The following FUT9 variants were observed in gnomAD, a reference collection of about 807,000 sequenced individuals.
FUT9 encodes the protein 4-galactosyl-N-acetylglucosaminide 3-alpha-L-fucosyltransferase 9.
In FUT9, 15 loss-of-function variants were observed where a neutral mutation model predicts 29.7. That is an observed-to-expected ratio of 0.51 (90% confidence interval 0.34 to 0.78). The LOEUF is 0.78. Ranked by LOEUF, FUT9 falls within the 30% of genes least tolerant of loss-of-function variation. The probability of loss-of-function intolerance (pLI) is 0.01; values close to 1 mark genes in which losing one functional copy is unlikely to be tolerated. For missense variants in FUT9, 319 were observed against 425.4 expected (o/e 0.75, Z 2.20); for synonymous variants, 169 against 153.7 (o/e 1.10, Z -0.74).
intron 1 of FUT9, among the ~76,000 whole-genome samples, chr6:96,026,442 G>A (rs186740676): frequency 8.6e-5 from 13 of 151,704 alleles, no homozygotes; most frequent in East Asian, 3.9e-4. Context: ...AGCATAGGGC[G>A]TGTTAAAGAA....
At chr6:96,123,985 T>C (rs1170782221) in intron 2 of FUT9, among the ~76,000 whole-genome samples, 1 of 151,790 alleles carries the variant, frequency 6.6e-6, no homozygotes, top group Non-Finnish European at 1.5e-5. Flanking sequence ...GGAGTAGAAC[T>C]AGGATGGAAA....
chr6:96,132,925 CATTT>C (rs34528263), intron 2 of FUT9, among the ~76,000 whole-genome samples: 8 of 150,354 alleles, frequency 5.3e-5, no homozygotes, highest in East Asian at 2.0e-4. Flanking sequence ...TATCTATAGC[CATTT>C]ATTTATTTAT....
At chr6:96,103,530 G>A (rs1167367301) in intron 1 of FUT9, among the ~76,000 whole-genome samples, 2 of 151,830 alleles carry the variant, frequency 1.3e-5, no homozygotes, top group Non-Finnish European at 1.5e-5. Flanking sequence ...TGAAGGTGTC[G>A]ATAGTGTCAG....
chr6:96,154,226 T>C (rs951410913), intron 2 of FUT9, among the ~76,000 whole-genome samples: 9 of 152,232 alleles, frequency 5.9e-5, no homozygotes, highest in African/African-American at 1.7e-4. Flanking sequence ...GCAAAAGTGA[T>C]AGAAATACAT....
At chr6:96,136,108 G>A (rs969282013) in intron 2 of FUT9, among the ~76,000 whole-genome samples, 2 of 151,580 alleles carry the variant, frequency 1.3e-5, no homozygotes, top group African/African-American at 4.8e-5. Flanking sequence ...CTTAATGATT[G>A]CCTTTATCTC....
intron 2 of FUT9, among the ~76,000 whole-genome samples, chr6:96,156,373 T>C (rs948990223): frequency 2.0e-5 from 3 of 152,166 alleles, no homozygotes; most frequent in African/African-American, 7.2e-5. Flanking sequence ...TCTTGTCTCA[T>C]GACCAGGAAA....
intron 1 of FUT9, among the ~76,000 whole-genome samples, chr6:96,095,529 G>A (rs1771481242): frequency 6.6e-6 from 1 of 152,160 alleles, no homozygotes; most frequent in Non-Finnish European, 1.5e-5. Context: ...ATTATCAGCA[G>A]CATTTGACAA....
At chr6:96,162,819 C>G (rs1329991271) in intron 2 of FUT9, among the ~76,000 whole-genome samples, 7 of 152,092 alleles carry the variant, frequency 4.6e-5, no homozygotes, top group Non-Finnish European at 1.0e-4. Flanking sequence ...ATACTGGAGC[C>G]CTTTTGGCCT....
At chr6:96,080,239 G>T (rs1771212514) in intron 1 of FUT9, among the ~76,000 whole-genome samples, 1 of 151,598 alleles carries the variant, frequency 6.6e-6, no homozygotes, top group South Asian at 2.1e-4. Context: ...AAGCCAGAAA[G>T]AATGACATAA....
chr6:96,140,664 G>T (rs1322318466), intron 2 of FUT9, among the ~76,000 whole-genome samples: 2 of 152,298 alleles, frequency 1.3e-5, no homozygotes, highest in Non-Finnish European at 1.5e-5. Context: ...GCAGGCAAAA[G>T]AACGTATGCA....
chr6:96,198,776 C>T (rs1299021308), intron 2 of FUT9, among the ~76,000 whole-genome samples: 5 of 152,114 alleles, frequency 3.3e-5, no homozygotes, highest in African/African-American at 9.7e-5. Flanking sequence ...CTCTCCAGCA[C>T]CTGTTGTTTC....
At chr6:96,080,912 A>G (rs188525664) in intron 1 of FUT9, among the ~76,000 whole-genome samples, 2 of 152,134 alleles carry the variant, frequency 1.3e-5, no homozygotes, top group African/African-American at 4.8e-5. Flanking sequence ...TTGAAGAATT[A>G]GCAACAACAT....
intron 1 of FUT9, among the ~76,000 whole-genome samples, chr6:96,072,668 G>A (rs1166973217): frequency 1.3e-5 from 2 of 151,996 alleles, no homozygotes; most frequent in Non-Finnish European, 2.9e-5. Context: ...GATAGAAAAA[G>A]GCAACTTTTT....
At chr6:96,063,619 T>C (rs1246451887) in intron 1 of FUT9, among the ~76,000 whole-genome samples, 1 of 152,112 alleles carries the variant, frequency 6.6e-6, no homozygotes, top group East Asian at 1.9e-4. Context: ...AACTCTATCA[T>C]GGGGTATGAA....
At chr6:96,101,901 C>A (rs1490217670) in intron 1 of FUT9, among the ~76,000 whole-genome samples, 1 of 151,648 alleles carries the variant, frequency 6.6e-6, no homozygotes, top group African/African-American at 2.4e-5. Context: ...GTCAATGTCA[C>A]CAGGAATTTA....
intron 1 of FUT9, among the ~76,000 whole-genome samples, chr6:96,024,586 T>A (rs1048314871): frequency 1.7e-4 from 26 of 151,882 alleles, no homozygotes; most frequent in African/African-American, 4.3e-4. Flanking sequence ...GTTTGTGACC[T>A]CTGGCTGACT....
chr6:96,162,581 A>G (rs1265273359), intron 2 of FUT9, among the ~76,000 whole-genome samples: 4 of 152,218 alleles, frequency 2.6e-5, no homozygotes, highest in African/African-American at 9.7e-5. Flanking sequence ...GGAGTGTATC[A>G]GTTGAAATGA....
chr6:96,203,830 T>G lies in FUT9; in HGVS notation c.675T>G (p.Tyr225Ter), dbSNP rs779894832. 2 of 1,611,748 alleles carry G rather than the reference T, an allele frequency of 1.2e-6. No individual in the cohort carries two copies. The highest frequency in any genetic ancestry group is 1.7e-6 in the Non-Finnish European group (2 of 1,178,140). ...CCTACGGGCAAGCATTTGGAGAATA[T>G]GTCAATGATAAAAATTTGATTCCTA... ...IHTYGQAFGEYVNDKNLIPTI... is the reference protein window; with the variant it reads ...IHTYGQAFGE Residue 225 changes from tyrosine (Y) to a stop codon, truncating the protein, a stop_gained, in exon 3 of 3, where the codon TAT becomes TAG. Coordinates refer to ENST00000302103, the MANE Select transcript of FUT9 (RefSeq NM_006581.4). LOFTEE classifies it high-confidence loss of function.
intron 1 of FUT9, among the ~76,000 whole-genome samples, chr6:96,033,783 T>C (rs949355066): frequency 7.3e-5 from 11 of 151,724 alleles, no homozygotes; most frequent in African/African-American, 2.4e-4. Flanking sequence ...CACATATTTG[T>C]TCTTATGTAC....
Sources: allele counts gnomAD v4.1 joint callset (sites outside exome capture counted in the v4.1 genomes callset), GRCh38; gene constraint gnomAD v4.1.1; transcripts MANE v1.5; gene names NCBI Gene and HGNC (gene_info 2026-07-23, HGNC 2026-07-21).